Variants in SEMA3E observed in about 807,000 individuals in gnomAD.
SEMA3E encodes semaphorin-3E.
In SEMA3E, 49 loss-of-function variants were observed where a neutral mutation model predicts 93.6. The ratio of observed to expected loss-of-function variants is 0.52; its 90% CI spans 0.42 to 0.66. The LOEUF is 0.66. Ranked by LOEUF, SEMA3E falls within the 30% of genes least tolerant of loss-of-function variation. The pLI is 0.00. For missense variants in SEMA3E, 906 were observed against 964.8 expected (o/e 0.94, Z 0.81); for synonymous variants, 363 against 330.7 (o/e 1.10, Z -1.06).
chr7:83,488,676 A>G (rs1790318215), intron 2 of SEMA3E, among the ~76,000 whole-genome samples: 5 of 152,124 alleles, frequency 3.3e-5, no homozygotes, highest in Admixed American at 3.3e-4. Context: ...GCAACATGGC[A>G]GACTATAGGT....
chr7:83,367,605 C>A lies in SEMA3E; in HGVS notation c.2309G>T (p.Arg770Met). 1 of 1,614,106 alleles carries A rather than the reference C, an allele frequency of 6.2e-7. No individual in the cohort carries two copies. The highest frequency in any genetic ancestry group is 8.5e-7 in the Non-Finnish European group (1 of 1,180,008). ...RSKPEHYRLP[R>M]HTLDS Reference sequence around the variant, plus strand: ...ACCCCATCAGGAGTCCAGCGTGTGCCTGGGCAGGCGGTAATGCTCAGGTTT... The same window carrying A: ...ACCCCATCAGGAGTCCAGCGTGTGCATGGGCAGGCGGTAATGCTCAGGTTT... The change falls in exon 17 of 17, where the codon AGG becomes ATG. Residue 770 changes from arginine to methionine, a missense_variant. Transcript: ENST00000643230.
chr7:83,581,844 A>T (rs1254923004), intron 1 of SEMA3E, among the ~76,000 whole-genome samples: 1 of 151,988 alleles, frequency 6.6e-6, no homozygotes, highest in East Asian at 1.9e-4. Context: ...CAGAAGCAGA[A>T]TTTTTTCTGC....
intron 2 of SEMA3E, among the ~76,000 whole-genome samples, chr7:83,472,323 C>T (rs916909115): frequency 1.3e-5 from 2 of 152,090 alleles, no homozygotes; most frequent in East Asian, 1.9e-4. Flanking sequence ...CAAAGAGATG[C>T]TATTATTTTG....
intron 2 of SEMA3E, among the ~76,000 whole-genome samples, chr7:83,474,643 T>C (rs2115913096): frequency 6.6e-6 from 1 of 152,266 alleles, no homozygotes; most frequent in African/African-American, 2.4e-5. Flanking sequence ...GAAAAGATGT[T>C]GATGTTAGCA....
chr7:83,446,920 C>T (rs1789243092), intron 4 of SEMA3E, among the ~76,000 whole-genome samples: 1 of 152,070 alleles, frequency 6.6e-6, no homozygotes, highest in South Asian at 2.1e-4. Context: ...TACACGGTAG[C>T]TCTATTTATT....
intron 2 of SEMA3E, among the ~76,000 whole-genome samples, chr7:83,471,358 C>T (rs1789890727): frequency 6.9e-6 from 1 of 144,990 alleles, no homozygotes. Context: ...TAGTATAGAC[C>T]GCTCCTGTCA....
At chr7:83,598,665 TG>T (rs1792924098) in intron 1 of SEMA3E, among the ~76,000 whole-genome samples, 1 of 152,196 alleles carries the variant, frequency 6.6e-6, no homozygotes, top group African/African-American at 2.4e-5. Flanking sequence ...GAGTTGAAAC[TG>T]GGAGAAGTCC....
At chr7:83,381,240 C>T (rs1172032292) in intron 16 of SEMA3E, among the ~76,000 whole-genome samples, 1 of 151,976 alleles carries the variant, frequency 6.6e-6, no homozygotes, top group African/African-American at 2.4e-5. Flanking sequence ...GTGAGCTTTT[C>T]CTTGACCTCA....
intron 4 of SEMA3E, among the ~76,000 whole-genome samples, chr7:83,461,798 C>A (rs535943635): frequency 1.3e-5 from 2 of 152,056 alleles, no homozygotes; most frequent in Admixed American, 6.5e-5. Context: ...TCAAGGTGTA[C>A]AATAGAAAAA....
chr7:83,614,714 A>C (rs533799790), intron 1 of SEMA3E, among the ~76,000 whole-genome samples: 4 of 152,232 alleles, frequency 2.6e-5, no homozygotes, highest in African/African-American at 9.6e-5. Context: ...TACATTCATG[A>C]CTACTGAGGC....
chr7:83,636,312 T>C (rs1056923203), intron 1 of SEMA3E, among the ~76,000 whole-genome samples: 5 of 152,118 alleles, frequency 3.3e-5, no homozygotes, highest in Admixed American at 3.3e-4. Flanking sequence ...AGAGAAATAG[T>C]CTCATCATAT....
intron 4 of SEMA3E, among the ~76,000 whole-genome samples, chr7:83,436,005 G>A (rs1419642718): frequency 1.3e-5 from 2 of 152,058 alleles, no homozygotes; most frequent in East Asian, 1.9e-4. Flanking sequence ...TTACATTGAT[G>A]TTAAATTATT....
chr7:83,443,916 G>GATATATATATATATATATAT (rs60405752), intron 4 of SEMA3E, among the ~76,000 whole-genome samples: 3 of 147,442 alleles, frequency 2.0e-5, no homozygotes, highest in African/African-American at 7.4e-5. Context: ...ATAATGACCT[G>GATATATATATATATATATAT]ATATATATAT....
At chr7:83,565,895 C>T (rs1418406911) in intron 1 of SEMA3E, among the ~76,000 whole-genome samples, 1 of 151,838 alleles carries the variant, frequency 6.6e-6, no homozygotes, top group Non-Finnish European at 1.5e-5. Context: ...TTTAAAAAGT[C>T]CTTTTAATAG....
intron 1 of SEMA3E, among the ~76,000 whole-genome samples, chr7:83,601,944 A>T (rs1197479953): frequency 6.6e-6 from 1 of 152,178 alleles, no homozygotes; most frequent in Non-Finnish European, 1.5e-5. Flanking sequence ...TGATGGGGAG[A>T]TGTAAAGACA....
At chr7:83,402,523 G>T (rs192906261) in intron 10 of SEMA3E, 109 bp downstream of exon 10, 1 of 942,358 alleles carries the variant, frequency 1.1e-6, no homozygotes. Flanking sequence ...ATACTTTTAG[G>T]TATAGTATTC....
chr7:83,435,049 C>G (rs1788976136), intron 4 of SEMA3E, among the ~76,000 whole-genome samples: 1 of 152,072 alleles, frequency 6.6e-6, no homozygotes, highest in Non-Finnish European at 1.5e-5. Context: ...TAATAGCATT[C>G]TCTTACAAAA....
At position 83,402,744 on chromosome 7, in the gene SEMA3E, T is replaced by C; in HGVS notation, c.1031A>G (p.Tyr344Cys). ...GGCTGCCCGAATGCTAGACATGTGA[T>C]AGACACATATAGCATGCCCTCGAAA... ...NIFRGHAICV[Y>C]HMSSIRAAFN... is the part of the protein sequence containing the mutation. The change falls in exon 10 of 17, where the codon TAT (tyrosine) becomes TGT (cysteine). Residue 344 changes from tyrosine (Y) to cysteine (C), a missense_variant. Coordinates refer to ENST00000643230, the MANE Select transcript of SEMA3E (RefSeq NM_012431.3). 6.2e-7 allele frequency: 1 copy of C among 1,612,832 alleles called. No individual in the cohort carries two copies. The highest frequency in any genetic ancestry group is 8.5e-7 in the Non-Finnish European group (1 of 1,179,128).
intron 4 of SEMA3E, among the ~76,000 whole-genome samples, chr7:83,458,285 A>G (rs1290441295): frequency 6.6e-6 from 1 of 151,656 alleles, no homozygotes; most frequent in Admixed American, 6.6e-5. Flanking sequence ...GCTAATGATA[A>G]TGCATCTTAC....
Sources: gnomAD v4.1 joint callset for allele counts (sites outside exome capture counted in the v4.1 genomes callset) on GRCh38, gnomAD v4.1.1 for gene constraint, MANE v1.5 for transcripts, NCBI Gene and HGNC (gene_info 2026-07-23, HGNC 2026-07-21) for gene names.